Variants in ARFGEF1 observed in about 807,000 individuals in gnomAD.
ARFGEF1 encodes brefeldin A-inhibited guanine nucleotide-exchange protein 1.
In ARFGEF1, 42 loss-of-function variants were observed where a neutral mutation model predicts 231.0. That is an observed-to-expected ratio of 0.18 (90% CI 0.14 to 0.24). The LOEUF is 0.24. Among genes scored for constraint, ARFGEF1 ranks in the 10% least tolerant of loss-of-function variants. ARFGEF1 has a pLI of 1.00. For missense variants in ARFGEF1, 1,345 were observed against 2,192.0 expected (o/e 0.61, Z 7.72); for synonymous variants, 710 against 732.3 (o/e 0.97, Z 0.49).
intron 17 of ARFGEF1, among the ~76,000 whole-genome samples, chr8:67,257,101 G>A (rs1269760257): frequency 1.3e-5 from 2 of 151,124 alleles, no homozygotes; most frequent in African/African-American, 4.9e-5. Context: ...TTTTTGAGAC[G>A]GGGTCTGCCC....
chr8:67,188,416 T>C (rs1835283381), intron 5 of ARFGEF1, among the ~76,000 whole-genome samples: 1 of 152,066 alleles, frequency 6.6e-6, no homozygotes, highest in Non-Finnish European at 1.5e-5. Context: ...GAGGGCTCAC[T>C]AAAATACAAA....
At chr8:67,333,696 G>C in intron 1 of ARFGEF1, among the ~76,000 whole-genome samples, 1 of 152,036 alleles carries the variant, frequency 6.6e-6, no homozygotes. Flanking sequence ...AAAAATACAG[G>C]TTGAGCATTC....
chr8:67,184,366 A>T (rs1448849195), intron 5 of ARFGEF1, among the ~76,000 whole-genome samples: 1 of 152,236 alleles, frequency 6.6e-6, no homozygotes, highest in Non-Finnish European at 1.5e-5. Flanking sequence ...CAATGAAACC[A>T]AGAGTTATTT....
chr8:67,311,601 C>T (rs1297596212), intron 1 of ARFGEF1, among the ~76,000 whole-genome samples: 8 of 146,656 alleles, frequency 5.5e-5, no homozygotes, highest in Admixed American at 1.3e-4. Flanking sequence ...CCGCCTCGTC[C>T]GGGAGGGAGG....
intron 1 of ARFGEF1, among the ~76,000 whole-genome samples, chr8:67,329,242 A>C (rs1426992273): frequency 1.3e-5 from 2 of 151,590 alleles, no homozygotes; most frequent in Non-Finnish European, 1.5e-5. Flanking sequence ...ACAAAAAAAC[A>C]AACAATTCAG....
chr8:67,259,546 C>T (rs138960402), intron 15 of ARFGEF1, among the ~76,000 whole-genome samples: 39 of 152,186 alleles, frequency 2.6e-4, no homozygotes, highest in Non-Finnish European at 4.9e-4. Context: ...TTATTCTTTA[C>T]GTTTTACTTA....
chr8:67,182,065 G>A (rs903534542), intron 5 of ARFGEF1, among the ~76,000 whole-genome samples: 1 of 152,120 alleles, frequency 6.6e-6, no homozygotes, highest in African/African-American at 2.4e-5. Flanking sequence ...GCAGTGGTGT[G>A]ATCATGGCTC....
At chr8:67,256,682 ATG>A (rs1840464814) in intron 17 of ARFGEF1, among the ~76,000 whole-genome samples, 3 of 152,224 alleles carry the variant, frequency 2.0e-5, no homozygotes, top group East Asian at 1.9e-4. Flanking sequence ...AAGGATGTCA[ATG>A]TGTGTTTTTA....
intron 14 of ARFGEF1, among the ~76,000 whole-genome samples, chr8:67,265,635 G>A (rs957064663): frequency 1.3e-5 from 2 of 152,208 alleles, no homozygotes; most frequent in East Asian, 3.9e-4. Flanking sequence ...AAAAATGTAA[G>A]ACCTATAAAG....
intron 4 of ARFGEF1, among the ~76,000 whole-genome samples, chr8:67,297,797 C>T (rs1806302684): frequency 7.3e-6 from 1 of 137,290 alleles, no homozygotes; most frequent in Non-Finnish European, 1.6e-5. Context: ...AAATGATCAA[C>T]CCGTTTTTTT....
downstream of ARFGEF1, chr8:67,175,423 G>A: frequency 2.5e-6 from 4 of 1,614,162 alleles, no homozygotes; most frequent in Non-Finnish European, 8.5e-7. Flanking sequence ...TAAAAATGCA[G>A]GAAGGTGCCA....
chr8:67,186,970 C>CATCTATCT (rs59504632), intron 5 of ARFGEF1, among the ~76,000 whole-genome samples: 6,366 of 149,828 alleles, frequency 0.042, 146 homozygotes, highest in East Asian at 0.075. Context: ...ATCTATCTAT[C>CATCTATCT]ATCTATCTAT....
rs1839323784 is a variant in ARFGEF1 at position 67,225,030 on chromosome 8, A to G, written c.4081T>C (p.Phe1361Leu). 1 of 1,590,402 alleles carries G rather than the reference A, an allele frequency of 6.3e-7. No individual in the cohort carries two copies. Among genetic ancestry groups the G allele is most frequent in the African/African-American group, 1.3e-5 (1 of 74,256 alleles). Residue 1361 changes from phenylalanine to leucine, a missense_variant, in exon 29 of 39, where the codon TTC (phenylalanine) becomes CTC (leucine). Transcript: ENST00000262215. ...AKYVSDRPQA[F>L]KEYTSDDMNV... is the part of the protein sequence containing the mutation. ...ATATCATCGCTTGTGTATTCCTTGA[A>G]AGCCTTCAAGAAAAAAGGTAGGGTT...
chr8:67,269,079 A>G (rs1035168102), intron 10 of ARFGEF1, among the ~76,000 whole-genome samples: 2 of 152,228 alleles, frequency 1.3e-5, no homozygotes, highest in African/African-American at 4.8e-5. Context: ...CTCTAAAAAA[A>G]TCAACCTTTT....
chr8:67,327,319 CTTT>C (rs140446436), intron 1 of ARFGEF1, among the ~76,000 whole-genome samples: 7 of 134,028 alleles, frequency 5.2e-5, no homozygotes, highest in Admixed American at 7.5e-5. Flanking sequence ...TGACGTACGT[CTTT>C]TTTTTTTTTT....
intron 22 of ARFGEF1, among the ~76,000 whole-genome samples, chr8:67,237,693 A>G (rs965345019): frequency 6.6e-6 from 1 of 152,188 alleles, no homozygotes; most frequent in South Asian, 2.1e-4. Context: ...TTTGTTTGCA[A>G]AAGCAGAAAT....
downstream of ARFGEF1, chr8:67,173,669 G>A (rs558579876): frequency 6.6e-6 from 1 of 151,840 alleles, no homozygotes; most frequent in African/African-American, 2.4e-5. Context: ...GAAAAAAAAA[G>A]ATAAATTGTG....
downstream of ARFGEF1, chr8:67,195,556 C>CT: frequency 6.2e-7 from 1 of 1,614,206 alleles, no homozygotes; most frequent in Non-Finnish European, 8.5e-7. Flanking sequence ...AAACCAGGCA[C>CT]TTTCACTTGG....
chr8:67,287,056 T>C (rs912328024), intron 7 of ARFGEF1, among the ~76,000 whole-genome samples: 1 of 152,196 alleles, frequency 6.6e-6, no homozygotes, highest in Non-Finnish European at 1.5e-5. Flanking sequence ...AGAGGTAACA[T>C]AGCAGGCCAG....
Sources: gnomAD v4.1 joint callset for allele counts (sites outside exome capture counted in the v4.1 genomes callset) on GRCh38, gnomAD v4.1.1 for gene constraint, MANE v1.5 for transcripts, NCBI Gene and HGNC (gene_info 2026-07-23, HGNC 2026-07-21) for gene names.